TLN2: variants seen among roughly 807,000 people sequenced by gnomAD.
TLN2 encodes talin 2, also known as talin-2.
Under a neutral mutation model 294.7 loss-of-function variants are expected in TLN2, and 118 were observed. The ratio of observed to expected loss-of-function variants is 0.40; its 90% confidence interval spans 0.34 to 0.47. TLN2 has a LOEUF of 0.47. Ranked by LOEUF, TLN2 falls within the 20% of genes least tolerant of loss-of-function variation. TLN2 has a pLI of 0.84. For missense variants in TLN2, 3,083 were observed against 3,282.2 expected, an observed-to-expected ratio of 0.94 and a Z score of 1.48; for synonymous variants, 1,431 against 1,304.5, an observed-to-expected ratio of 1.10 and a Z score of -2.09.
At position 62,467,934 on chromosome 15, in the gene TLN2, GAA is replaced by G. The variant is rs2037236129; in HGVS notation, c.-238+77252_-238+77253del. On this transcript the variant is annotated intron_variant, in intron 1 of 58. Transcript: ENST00000636159. ...GCATCTAAAATTTCTGGTTGGAGCAGAAAAGACACATCCTTGGCATAGTCTTG... is the reference window on the plus strand; with the variant it reads ...GCATCTAAAATTTCTGGTTGGAGCAGAAGACACATCCTTGGCATAGTCTTG... Among the ~76,000 whole-genome samples the G allele has an allele frequency of 2.0e-5, 3 of 152,204 alleles. No individual in the cohort carries two copies. The East Asian group carries it at 5.8e-4, about 29-fold the overall frequency.
intron 45 of TLN2, among the ~76,000 whole-genome samples, chr15:62,786,715 G>A (rs1040268666): frequency 2.0e-5 from 3 of 152,128 alleles, no homozygotes; most frequent in South Asian, 4.1e-4. Context: ...TGAAATGGAT[G>A]TCTGCTTTAG....
intron 1 of TLN2, among the ~76,000 whole-genome samples, chr15:62,421,909 G>A (rs186017063): frequency 3.7e-4 from 56 of 152,182 alleles, no homozygotes; most frequent in African/African-American, 1.1e-3. Flanking sequence ...TGAGGGTAGC[G>A]TTAGGAGGAA....
chr15:62,690,365 C>T (rs1191242578), intron 12 of TLN2: 2 of 155,550 alleles, frequency 1.3e-5, no homozygotes, highest in African/African-American at 5.3e-5. Context: ...TCCTCACCTC[C>T]CAGACGGGGC....
At chr15:62,702,236 ATGGGACAGCTGCATCCAC>A (rs1567399027) in intron 18 of TLN2, 36 bp downstream of exon 18, 1 of 1,542,080 alleles carries the variant, frequency 6.5e-7, no homozygotes, top group Admixed American at 2.0e-5. Context: ...TCAGGTTCTG[ATGGGACAGCTGCATCCAC>A]TGGGGGACCA....
intron 1 of TLN2, among the ~76,000 whole-genome samples, chr15:62,555,413 A>G (rs1313457295): frequency 6.6e-6 from 1 of 152,236 alleles, no homozygotes; most frequent in African/African-American, 2.4e-5. Context: ...TAAACATTGT[A>G]GAAAGCTTCA....
chr15:62,685,901 T>G (rs947580127), intron 11 of TLN2, among the ~76,000 whole-genome samples: 43 of 152,202 alleles, frequency 2.8e-4, no homozygotes, highest in Admixed American at 6.5e-5. Context: ...ATATTAATCG[T>G]TTCCTTTATG....
At chr15:62,447,494 C>CTTTT (rs555848983) in intron 1 of TLN2, among the ~76,000 whole-genome samples, 1 of 131,664 alleles carries the variant, frequency 7.6e-6, no homozygotes, top group Non-Finnish European at 1.6e-5. Context: ...GTTAACTTTA[C>CTTTT]TTTTTTTTTT....
chr15:62,694,099 C>G (rs2058146386), intron 13 of TLN2, among the ~76,000 whole-genome samples: 1 of 151,568 alleles, frequency 6.6e-6, no homozygotes, highest in African/African-American at 2.4e-5. Context: ...TCCGGTGTAG[C>G]TGGGATTACA....
At chr15:62,789,819 C>T (rs1415608375) in intron 45 of TLN2, among the ~76,000 whole-genome samples, 1 of 152,240 alleles carries the variant, frequency 6.6e-6, no homozygotes, top group Non-Finnish European at 1.5e-5. Flanking sequence ...GGAGAAGGTT[C>T]TGCATGTTTG....
At chr15:62,412,309 C>CT (rs2033822185) in intron 1 of TLN2, among the ~76,000 whole-genome samples, 1 of 152,282 alleles carries the variant, frequency 6.6e-6, no homozygotes, top group South Asian at 2.1e-4. Context: ...GTAACAAGGG[C>CT]TGATAACCTT....
At chr15:62,646,034 C>A (rs920864328) in intron 3 of TLN2, among the ~76,000 whole-genome samples, 6 of 152,116 alleles carry the variant, frequency 3.9e-5, no homozygotes, top group African/African-American at 1.4e-4. Context: ...GGAAATACAC[C>A]GTGAGCCACC....
intron 19 of TLN2, among the ~76,000 whole-genome samples, chr15:62,704,548 C>T (rs74573327): frequency 1.8e-3 from 277 of 152,358 alleles, no homozygotes; most frequent in Non-Finnish European, 3.5e-3. Flanking sequence ...TTCTCCTTCA[C>T]TCTCCACATG....
Position 62,680,036 on chromosome 15 carries a change from A to G in TLN2, c.957+4715A>G, listed in dbSNP as rs146640218. Among the ~76,000 whole-genome samples, 292 of 152,328 alleles carry G rather than the reference A, an allele frequency of 1.9e-3. 5 individuals are homozygous for G. Among genetic ancestry groups the G allele is most frequent in the East Asian group, 8.5e-3 (44 of 5,186 alleles). On this transcript the variant is annotated intron_variant, in intron 11 of 58. Coordinates refer to ENST00000636159, the MANE Select transcript of TLN2 (RefSeq NM_015059.3). ...TTCTTTATTTTGTTCTTGTTCAAATATGTGTCCCTCTGCTAATCACACTGT... is the reference window on the plus strand; with the variant it reads ...TTCTTTATTTTGTTCTTGTTCAAATGTGTGTCCCTCTGCTAATCACACTGT...
chr15:62,455,001 C>G (rs985735429), intron 1 of TLN2, among the ~76,000 whole-genome samples: 2 of 152,144 alleles, frequency 1.3e-5, no homozygotes, highest in African/African-American at 4.8e-5. Flanking sequence ...CAGAATCAAA[C>G]TTGTGAAATA....
At chr15:62,598,425 T>C (rs1470038294) in intron 2 of TLN2, among the ~76,000 whole-genome samples, 1 of 152,106 alleles carries the variant, frequency 6.6e-6, no homozygotes, top group Admixed American at 6.5e-5. Flanking sequence ...CTTGTCCTTG[T>C]CGTGGGTGTG....
intron 45 of TLN2, 89 bp downstream of exon 45, chr15:62,783,979 G>A: frequency 6.3e-7 from 1 of 1,581,136 alleles, no homozygotes; most frequent in Non-Finnish European, 8.6e-7. Context: ...CTCCACTCTG[G>A]AAGACCCCAG....
intron 2 of TLN2, among the ~76,000 whole-genome samples, chr15:62,590,217 G>GT (rs1268771876): frequency 6.6e-6 from 1 of 152,092 alleles, no homozygotes; most frequent in East Asian, 1.9e-4. Context: ...GTAGGTAAAC[G>GT]TGTCATGGGA....
chr15:62,795,191 C>T (rs1164420609), intron 46 of TLN2, among the ~76,000 whole-genome samples: 1 of 152,048 alleles, frequency 6.6e-6, no homozygotes, highest in African/African-American at 2.4e-5. Flanking sequence ...TTCACTTTGG[C>T]ATCTGACGGG....
At chr15:62,539,342 G>A (rs1477594321) in intron 1 of TLN2, among the ~76,000 whole-genome samples, 1 of 152,072 alleles carries the variant, frequency 6.6e-6, no homozygotes, top group Non-Finnish European at 1.5e-5. Flanking sequence ...ACCTTGGCTC[G>A]CTGTGCTGTG....
Sources: gnomAD v4.1 joint callset for allele counts (sites outside exome capture counted in the v4.1 genomes callset) on GRCh38, gnomAD v4.1.1 for gene constraint, MANE v1.5 for transcripts, NCBI Gene and HGNC (gene_info 2026-07-23, HGNC 2026-07-21) for gene names.